ABLIM2: variants seen among roughly 807,000 people sequenced by gnomAD.
The protein encoded by ABLIM2 is actin binding LIM protein family member 2.
In ABLIM2, 53 loss-of-function variants were observed where a neutral mutation model predicts 97.7. The observed-to-expected ratio is 0.54, with a 90% CI of 0.44 to 0.68. The LOEUF is 0.68. Ranked by LOEUF, ABLIM2 falls within the 30% of genes least tolerant of loss-of-function variation. ABLIM2 has a pLI of 0.00. For missense variants in ABLIM2, 835 were observed against 867.2 expected, an observed-to-expected ratio of 0.96 and a Z score of 0.47; for synonymous variants, 361 against 345.8, an observed-to-expected ratio of 1.04 and a Z score of -0.49.
chr4:7,989,450 A>G (rs1747007705), intron 17 of ABLIM2: 1 of 985,270 alleles, frequency 1.0e-6, no homozygotes, highest in South Asian at 4.7e-5. Context: ...GGTGTCTGGC[A>G]TTGCCATGTT....
chr4:8,013,476 A>C (rs1424097102), intron 14 of ABLIM2, among the ~76,000 whole-genome samples: 1 of 152,202 alleles, frequency 6.6e-6, no homozygotes, highest in Non-Finnish European at 1.5e-5. Context: ...CACCTGCCTC[A>C]GCCTCACAAA....
chr4:8,036,110 G>A (rs769372155), intron 10 of ABLIM2, 39 bp downstream of exon 10: 2 of 1,607,588 alleles, frequency 1.2e-6, no homozygotes, highest in African/African-American at 2.7e-5. Flanking sequence ...CAGCACTTGG[G>A]GACACAGGTG....
At chr4:7,988,835 T>A (rs1746450411) in intron 17 of ABLIM2, among the ~76,000 whole-genome samples, 1 of 152,228 alleles carries the variant, frequency 6.6e-6, no homozygotes, top group Non-Finnish European at 1.5e-5. Context: ...AACTCAGGAC[T>A]GTCTGATGCT....
Position 8,071,531 on chromosome 4 carries a change from C to T in ABLIM2, c.675+6097G>A, listed in dbSNP as rs1265210771. On this transcript the variant is annotated intron_variant, in intron 6 of 20. Transcript: ENST00000447017. The surrounding 1 kb of genome is among the most constrained non-coding windows in gnomAD (Gnocchi z 6.2). ...GCACCATGCCCACCACACGCAGACA[C>T]AGCACAGGCGAGGGCTCGGCTGGCA... Among the ~76,000 whole-genome samples the T allele has an allele frequency of 1.3e-5, 2 of 152,208 alleles. No homozygotes were observed. Among genetic ancestry groups the T allele is most frequent in the African/African-American group, 4.8e-5 (2 of 41,450 alleles).
chr4:8,044,641 GACACAC>G lies in ABLIM2; in HGVS notation c.900+517_900+522del, dbSNP rs531358817. ...ATTATGGAAGCGTGTGAGGCGCACA[GACACAC>G]ACACACACACACACACACAGAGTCT... is the stretch of plus-strand genomic sequence containing the variant. On this transcript the variant is annotated intron_variant, in intron 9 of 20. Transcript: ENST00000447017. This position sits in a 1 kb window ranked among gnomAD's most constrained non-coding sequence, Gnocchi z 4.4. 8.1e-6 allele frequency among the ~76,000 whole-genome samples: 1 copy of G among 124,144 alleles called. No homozygotes were observed. The highest frequency in any genetic ancestry group is 1.9e-5 in the Non-Finnish European group (1 of 53,710). The allele number at this position is 124,144 out of a possible 152,430, so 81.4% of individuals were successfully genotyped here.
intron 1 of ABLIM2, among the ~76,000 whole-genome samples, chr4:8,114,614 G>A (rs753519370): frequency 2.6e-5 from 4 of 151,646 alleles, no homozygotes; most frequent in Non-Finnish European, 5.9e-5. Flanking sequence ...ACCATGAACC[G>A]AGGACGCTGC....
chr4:8,131,562 A>G (rs1482263377), intron 1 of ABLIM2, among the ~76,000 whole-genome samples: 1 of 151,536 alleles, frequency 6.6e-6, no homozygotes, highest in East Asian at 1.9e-4. Context: ...AGGACCCCCG[A>G]CCCCTCCCTG....
chr4:8,000,978 G>T (rs568317910), intron 16 of ABLIM2, among the ~76,000 whole-genome samples: 2 of 152,332 alleles, frequency 1.3e-5, no homozygotes, highest in Non-Finnish European at 1.5e-5. Context: ...CACAGCGTCC[G>T]GGTCTGCTTT....
chr4:8,045,831 G>A (rs150818560), intron 8 of ABLIM2, among the ~76,000 whole-genome samples: 8 of 152,186 alleles, frequency 5.3e-5, no homozygotes, highest in South Asian at 4.1e-4. Context: ...GCTCAGAGGC[G>A]TCATTTTCCA....
At chr4:8,153,688 G>T (rs771036775) in intron 1 of ABLIM2, among the ~76,000 whole-genome samples, 1 of 149,976 alleles carries the variant, frequency 6.7e-6, no homozygotes, top group Non-Finnish European at 1.5e-5. Flanking sequence ...CTCCCGGAGT[G>T]ATGGGTTTCT....
In ABLIM2 at chr4:8,087,498, T is replaced by C. The variant is rs930420939; in HGVS notation, c.454+671A>G. Among the ~76,000 whole-genome samples the C allele has an allele frequency of 3.3e-5, 5 of 152,206 alleles. No homozygotes were observed. Among genetic ancestry groups the C allele is most frequent in the African/African-American group, 9.6e-5 (4 of 41,454 alleles). On this transcript the variant is annotated intron_variant, in intron 4 of 20. Coordinates refer to ENST00000447017, the MANE Select transcript of ABLIM2 (RefSeq NM_001130083.2). This position sits in a 1 kb window ranked among gnomAD's most constrained non-coding sequence, Gnocchi z 4.6. ...GTGGAGCAGTGAACCCAAGGGCCCC[T>C]GACTGCGGGAGCCCGGAGCTCAGTG...
intron 1 of ABLIM2, among the ~76,000 whole-genome samples, chr4:8,145,967 G>A (rs973616471): frequency 2.0e-5 from 3 of 152,210 alleles, no homozygotes; most frequent in Non-Finnish European, 4.4e-5. Context: ...CCCGCCACTA[G>A]CATGTCCTTA....
intron 1 of ABLIM2, among the ~76,000 whole-genome samples, chr4:8,116,786 C>T (rs1047465219): frequency 3.3e-5 from 5 of 151,068 alleles, no homozygotes; most frequent in Non-Finnish European, 5.9e-5. Flanking sequence ...ACACAGATCA[C>T]AGCAGCTTCC....
chr4:7,980,652 T>C (rs965818420), intron 20 of ABLIM2, among the ~76,000 whole-genome samples: 5 of 151,340 alleles, frequency 3.3e-5, no homozygotes, highest in Non-Finnish European at 5.9e-5. Flanking sequence ...GAAGTGGGGG[T>C]TGCAGTGAGC....
chr4:8,144,249 G>A (rs1851448648), intron 1 of ABLIM2, among the ~76,000 whole-genome samples: 1 of 152,190 alleles, frequency 6.6e-6, no homozygotes, highest in Non-Finnish European at 1.5e-5. Context: ...CCAATTTCCA[G>A]CAAAATACTC....
At chr4:8,158,639 C>T in intron 1 of ABLIM2, 41 bp downstream of exon 1, 1 of 1,505,932 alleles carries the variant, frequency 6.6e-7, no homozygotes, top group Non-Finnish European at 8.8e-7. Flanking sequence ...CGCCGCGAGC[C>T]AGCGCGGGGA....
chr4:8,084,083 T>C (rs1325670540), intron 4 of ABLIM2, among the ~76,000 whole-genome samples: 1 of 151,838 alleles, frequency 6.6e-6, no homozygotes, highest in Non-Finnish European at 1.5e-5. Flanking sequence ...TGAGACTGAG[T>C]TTTGGAAACA....
intron 3 of ABLIM2, among the ~76,000 whole-genome samples, chr4:8,093,412 G>C (rs1829905459): frequency 6.6e-6 from 1 of 152,104 alleles, no homozygotes; most frequent in African/African-American, 2.4e-5. Context: ...AATTCTCTTA[G>C]CTTTGCGTGT....
Position 7,998,757 on chromosome 4 carries a change from G to T in ABLIM2, c.1619-5830C>A, listed in dbSNP as rs1755122040. The T allele has an allele frequency of 2.2e-6, 1 of 460,926 alleles. No individual in the cohort carries two copies. The highest frequency in any genetic ancestry group is 4.4e-6 in the Non-Finnish European group (1 of 228,962). The allele number at this position is 460,926 out of a possible 1,614,324, so 28.6% of individuals were successfully genotyped here. A position where few individuals can be genotyped will look rare whatever the true frequency, so the allele number is the denominator to read the frequency against. On this transcript the variant is annotated intron_variant, in intron 16 of 20. Coordinates refer to ENST00000447017, the MANE Select transcript of ABLIM2 (RefSeq NM_001130083.2). The surrounding 1 kb of genome is among the most constrained non-coding windows in gnomAD (Gnocchi z 6.4). ...AGTCTGCTGGCCTGGGCCACCTCCT[G>T]CTGCTGGGTGGGGGTGGGAGTGGGC...
Sources: allele counts gnomAD v4.1 joint callset (sites outside exome capture counted in the v4.1 genomes callset), GRCh38; gene constraint gnomAD v4.1.1; non-coding constraint Gnocchi (gnomAD v3.1); transcripts MANE v1.5; gene names NCBI Gene and HGNC (gene_info 2026-07-23, HGNC 2026-07-21).